RABGEF1: variants seen among roughly 807,000 people sequenced by gnomAD.
RABGEF1 encodes the protein rab5 GDP/GTP exchange factor.
RABGEF1 carries 26 observed loss-of-function variants against 57.3 expected under a neutral mutation model. The ratio of observed to expected loss-of-function variants is 0.45; its 90% CI spans 0.33 to 0.63. The LOEUF is 0.63. Ranked by LOEUF, RABGEF1 falls within the 20% of genes least tolerant of loss-of-function variation. The pLI, the probability that RABGEF1 is intolerant of heterozygous loss-of-function variation, is 0.02. For missense variants in RABGEF1, 464 were observed against 607.6 expected, an observed-to-expected ratio of 0.76 and a Z score of 2.48; for synonymous variants, 185 against 210.7, an observed-to-expected ratio of 0.88 and a Z score of 1.06.
intron 7 of RABGEF1, among the ~76,000 whole-genome samples, chr7:66,801,908 TTAG>T (rs1787377209): frequency 6.6e-6 from 1 of 152,050 alleles, no homozygotes; most frequent in East Asian, 1.9e-4. Flanking sequence ...ATTTAGTTAG[TTAG>T]TTAGTTAGTT....
intron 3 of RABGEF1, among the ~76,000 whole-genome samples, chr7:66,777,431 C>T (rs1244297417): frequency 1.3e-5 from 2 of 151,148 alleles, no homozygotes; most frequent in Non-Finnish European, 2.9e-5. Flanking sequence ...CTTCAGAAGC[C>T]CAGGTTATTT....
intron 2 of RABGEF1, among the ~76,000 whole-genome samples, chr7:66,718,716 G>T (rs1049410491): frequency 1.1e-4 from 17 of 152,214 alleles, no homozygotes; most frequent in Non-Finnish European, 1.8e-4. Flanking sequence ...GGCCAGCCTG[G>T]AACCTGGGGA....
intron 4 of RABGEF1, among the ~76,000 whole-genome samples, chr7:66,787,323 C>T (rs1177335650): frequency 1.4e-5 from 2 of 144,130 alleles, no homozygotes; most frequent in African/African-American, 5.1e-5. Flanking sequence ...AGTGAGCCAC[C>T]ATGCCTGGCC....
chr7:66,797,612 G>A (rs1350297412), intron 6 of RABGEF1, 106 bp downstream of exon 6: 8 of 1,257,930 alleles, frequency 6.4e-6, no homozygotes, highest in Non-Finnish European at 7.7e-6. Flanking sequence ...GAAAGCAATA[G>A]CTCATGTTCC....
chr7:66,715,314 A>C (rs1477569172), intron 2 of RABGEF1, among the ~76,000 whole-genome samples: 1 of 152,142 alleles, frequency 6.6e-6, no homozygotes, highest in Non-Finnish European at 1.5e-5. Flanking sequence ...AAATTTTTGT[A>C]GATACCGTGT....
At chr7:66,806,243 G>A (rs989370664) in intron 8 of RABGEF1, among the ~76,000 whole-genome samples, 3 of 152,074 alleles carry the variant, frequency 2.0e-5, no homozygotes, top group Admixed American at 2.0e-4. Flanking sequence ...AAGTCTCACA[G>A]GTACGTGAAT....
At chr7:66,804,842 C>T (rs983104942) in intron 7 of RABGEF1, among the ~76,000 whole-genome samples, 1 of 151,854 alleles carries the variant, frequency 6.6e-6, no homozygotes, top group Non-Finnish European at 1.5e-5. Flanking sequence ...AATCATTTAA[C>T]CTCTCTGAAC....
At chr7:66,682,694 A>T (rs1044600444) in intron 1 of RABGEF1, among the ~76,000 whole-genome samples, 2 of 62,048 alleles carry the variant, frequency 3.2e-5, no homozygotes, top group African/African-American at 1.4e-4. Flanking sequence ...CCCAGACCAC[A>T]GCCCCCGGCC....
intron 1 of RABGEF1, among the ~76,000 whole-genome samples, chr7:66,695,429 G>A (rs73377549): frequency 0.24 from 35,972 of 152,140 alleles, 4,426 homozygotes; most frequent in East Asian, 0.31. Context: ...AAGAGAGACC[G>A]TCATGGGCAG....
intron 5 of RABGEF1, among the ~76,000 whole-genome samples, chr7:66,796,023 G>C (rs1021691546): frequency 2.6e-5 from 4 of 152,250 alleles, no homozygotes; most frequent in African/African-American, 7.2e-5. Flanking sequence ...TCTTATCCCA[G>C]CTACTCGGGA....
At chr7:66,740,589 G>C (rs1233985675), upstream of RABGEF1, 4 of 152,612 alleles carry the variant, frequency 2.6e-5, no homozygotes, top group African/African-American at 9.6e-5. Flanking sequence ...TCGACCCTTT[G>C]GATCCACTCG....
In RABGEF1 at chr7:66,809,031, A is replaced by C; in HGVS notation, c.1223A>C (p.Lys408Thr). 1 of 1,614,200 alleles carries C rather than the reference A, an allele frequency of 6.2e-7. No individual in the cohort carries two copies. Among genetic ancestry groups the C allele is most frequent in the East Asian group, 2.2e-5 (1 of 44,884 alleles). Residue 408 changes from lysine to threonine, a missense_variant, in exon 9 of 9, where the codon AAG becomes ACG. By Grantham distance (78) the Lys-to-Thr change is moderately conservative. This residue lies in a region of RABGEF1 where 151 missense variants were observed against 152.2 expected (regional missense o/e 0.99). Transcript: ENST00000284957. Reference sequence around the variant, plus strand: ...TCTCCTGATGCTTGCTTAGGCGTCAAGCAAATGTATAAGAACTTGGATCTC... The same window carrying C: ...TCTCCTGATGCTTGCTTAGGCGTCACGCAAATGTATAAGAACTTGGATCTC... Reference protein sequence around the residue: ...SWSPDACLGVKQMYKNLDLLS... With the variant: ...SWSPDACLGVTQMYKNLDLLS...
chr7:66,749,367 T>G lies in RABGEF1; in HGVS notation c.-18+8575T>G, dbSNP rs13224487. Among the ~76,000 whole-genome samples, 1,346 of 152,356 alleles carry G rather than the reference T, an allele frequency of 8.8e-3. 8 individuals are homozygous for G. The highest frequency in any genetic ancestry group is 0.016 in the Non-Finnish European group (1,088 of 68,038). On this transcript the variant is annotated intron_variant, in intron 1 of 8. Coordinates refer to ENST00000284957, the MANE Select transcript of RABGEF1 (RefSeq NM_014504.3). ...AACTGCCCTTGCCTAAATATAGTTA[T>G]GTAATGCTGTGTTTCCTTAATTGTA...
chr7:66,675,247 T>C, the RABGEF1 span, among the ~76,000 whole-genome samples: 2 of 152,054 alleles, frequency 1.3e-5, no homozygotes, highest in African/African-American at 4.8e-5. Flanking sequence ...CTGGCCAAGA[T>C]GGTGAAACTC....
chr7:66,803,480 C>T (rs1458444736), intron 7 of RABGEF1, among the ~76,000 whole-genome samples: 1 of 152,214 alleles, frequency 6.6e-6, no homozygotes, highest in Non-Finnish European at 1.5e-5. Flanking sequence ...GGTACGCTGC[C>T]TCTCCAGCGG....
chr7:66,734,225 G>A (rs1442967461), intron 2 of RABGEF1, among the ~76,000 whole-genome samples: 4 of 152,150 alleles, frequency 2.6e-5, no homozygotes, highest in Admixed American at 2.0e-4. Context: ...TGGGACCTGG[G>A]AGGCAAGGAG....
intron 1 of RABGEF1, among the ~76,000 whole-genome samples, chr7:66,695,039 C>T (rs1204948145): frequency 6.6e-6 from 1 of 152,102 alleles, no homozygotes. Flanking sequence ...GCCCTGGGTG[C>T]GGCAGCTCAT....
intron 1 of RABGEF1, among the ~76,000 whole-genome samples, chr7:66,760,299 C>T (rs1803959108): frequency 6.6e-6 from 1 of 152,164 alleles, no homozygotes. Flanking sequence ...TTTTAAGATG[C>T]ACTTTTTAGA....
At chr7:66,728,535 C>A (rs1309400211) in intron 2 of RABGEF1, among the ~76,000 whole-genome samples, 1 of 152,146 alleles carries the variant, frequency 6.6e-6, no homozygotes, top group African/African-American at 2.4e-5. Flanking sequence ...TTGCCATCAC[C>A]AGTGTCTTCA....
Sources: allele counts gnomAD v4.1 joint callset (sites outside exome capture counted in the v4.1 genomes callset), GRCh38; gene constraint gnomAD v4.1.1; regional missense constraint gnomAD v4.1.1; transcripts MANE v1.5; gene names NCBI Gene and HGNC (gene_info 2026-07-23, HGNC 2026-07-21).